The following NBPF11 variants were observed in gnomAD, a reference collection of about 807,000 sequenced individuals.
NBPF11 encodes the protein NBPF family member NBPF11.
A neutral mutation model predicts 93.9 loss-of-function variants in NBPF11; 72 were observed. That is an observed-to-expected ratio of 0.77 (90% CI 0.63 to 0.93). The LOEUF (loss-of-function observed/expected upper bound fraction) is 0.93. Among genes scored for constraint, NBPF11 ranks in the 40% least tolerant of loss-of-function variants. NBPF11 has a pLI of 0.00. For synonymous variants in NBPF11, 224 were observed against 304.9 expected, an observed-to-expected ratio of 0.73 and a Z score of 2.76; for missense variants, 705 against 802.2, an observed-to-expected ratio of 0.88 and a Z score of 1.46.
intron 1 of NBPF11, among the ~76,000 whole-genome samples, chr1:148,150,842 C>G (rs1489571668): frequency 3.3e-5 from 5 of 151,556 alleles, no homozygotes; most frequent in Non-Finnish European, 7.4e-5. Context: ...AGTCTCCTGC[C>G]TCAGCCTCCC....
chr1:148,119,425 GTAT>G (rs1667308674), intron 10 of NBPF11, among the ~76,000 whole-genome samples: 1 of 152,104 alleles, frequency 6.6e-6, no homozygotes, highest in South Asian at 2.1e-4. Context: ...ACAGAGGTAG[GTAT>G]TATTGTAGTA....
chr1:148,105,721 G>GACAGACACACAC (rs1663396871), intron 21 of NBPF11, among the ~76,000 whole-genome samples, 193 bp from the exon 22 acceptor site: 2 of 95,976 alleles, frequency 2.1e-5, no homozygotes. Context: ...GAGAAAGACA[G>GACAGACACACAC]ACACACACAC....
In NBPF11 at chr1:148,118,766, T is replaced by C. The variant is rs1192424216; in HGVS notation, c.989-44A>G. 7.6e-5 allele frequency: 118 copies of C among 1,550,916 alleles called. No homozygotes were observed. In the South Asian group the frequency reaches 8.7e-4, roughly 11 times the overall value. The stretch of plus-strand genomic sequence containing the variant: ...GCCTGCATCAGTGGAAGGCTGGACA[T>C]GCTGCTGTGGTCATTGCCTACAGGG... On this transcript the variant is annotated intron_variant, in intron 10 of 23. Transcript: ENST00000682118.
intron 10 of NBPF11, among the ~76,000 whole-genome samples, chr1:148,120,067 A>T (rs1255428412): frequency 6.6e-6 from 1 of 151,400 alleles, no homozygotes. Flanking sequence ...AGTTTCCCTC[A>T]GAGTCACTAG....
At chr1:148,149,124 T>C in intron 1 of NBPF11, 2 of 1,574,036 alleles carry the variant, frequency 1.3e-6, no homozygotes, top group Non-Finnish European at 1.7e-6. Context: ...TGCGCGCGCG[T>C]TGGAGGCCGC....
chr1:148,135,316 A>ATCT (rs1476073377), intron 4 of NBPF11: 4 of 193,562 alleles, frequency 2.1e-5, no homozygotes, highest in Non-Finnish European at 4.0e-5. Context: ...TTCTATGACC[A>ATCT]TCTGTTTCAT....
chr1:148,110,322 G>A lies in NBPF11; in HGVS notation c.1801+56C>T, dbSNP rs1664945887. The stretch of plus-strand genomic sequence containing the variant: ...CAGGGGCACAAGGCCCAAAGATTAT[G>A]GGGTCTACCTGGGCCATGAACTGGA... On this transcript the variant is annotated intron_variant, in intron 16 of 23. Transcript: ENST00000682118. 3 of 1,560,948 alleles carry A rather than the reference G, an allele frequency of 1.9e-6. No homozygotes were observed. In the African/African-American group the frequency reaches 4.2e-5, roughly 22 times the overall value.
chr1:148,146,210 C>T (rs1233300058), intron 1 of NBPF11, among the ~76,000 whole-genome samples: 4 of 151,590 alleles, frequency 2.6e-5, no homozygotes, highest in Non-Finnish European at 5.9e-5. Context: ...CCCTGGGGCT[C>T]GGCTTGGACC....
At chr1:148,111,456 GA>G (rs1476853906) in intron 15 of NBPF11, among the ~76,000 whole-genome samples, 1 of 151,966 alleles carries the variant, frequency 6.6e-6, no homozygotes, top group African/African-American at 2.4e-5. Context: ...AAACTTCTCT[GA>G]GCTAAAGGAG....
intron 5 of NBPF11, 84 bp downstream of exon 5, chr1:148,126,745 G>C: frequency 8.1e-7 from 1 of 1,228,302 alleles, no homozygotes; most frequent in Non-Finnish European, 1.2e-6. Context: ...TAGAAGTACA[G>C]GAAGGATGAA....
intron 6 of NBPF11, 147 bp from the exon 7 acceptor site, chr1:148,124,214 GAGAA>G: frequency 1.5e-6 from 1 of 651,450 alleles, no homozygotes; most frequent in Non-Finnish European, 2.8e-6. Context: ...CTGTGGCCAA[GAGAA>G]AGAACAGAAA....
At position 148,103,306 on chromosome 1, in the gene NBPF11, A is replaced by C; in HGVS notation, c.*590T>G. 2.8e-6 allele frequency: 1 copy of C among 352,896 alleles called. No individual in the cohort carries two copies. The highest frequency in any genetic ancestry group is 5.4e-6 in the Non-Finnish European group (1 of 185,262). 21.9% of individuals were successfully genotyped at this position (352,896 alleles called of 1,614,324 possible). A position where few individuals can be genotyped will look rare whatever the true frequency, so the allele number is the denominator to read the frequency against. ...GAAACCAGGGTAACACCTTTGGATGAGCTAAACACAAAGATGACACTGACC... is the reference window on the plus strand; with the variant it reads ...GAAACCAGGGTAACACCTTTGGATGCGCTAAACACAAAGATGACACTGACC... On this transcript the variant is annotated 3_prime_UTR_variant, in exon 24 of 24. Transcript: ENST00000682118.
At chr1:148,124,747 T>C (rs1157758653) in intron 6 of NBPF11, among the ~76,000 whole-genome samples, 152 bp downstream of exon 6, 13 of 152,112 alleles carry the variant, frequency 8.5e-5, no homozygotes, top group Non-Finnish European at 4.4e-5. Flanking sequence ...ATTATCCTTG[T>C]TCTCTGATAA....
At position 148,118,629 on chromosome 1, in the gene NBPF11, T is replaced by C; in HGVS notation, c.1082A>G (p.Glu361Gly). ...CATGGGGTCCCCTCACCTGAGCTCC[T>C]CAGCTTGCTTCAGCTGCTCTGCAAG... The part of the protein sequence containing the change: ...EKLAEQLKQA[E>G]ELRQYKVLVH... The change falls in exon 11 of 24, where the codon GAG becomes GGG. Residue 361 changes from glutamate to glycine, a missense_variant. Coordinates refer to ENST00000682118, the MANE Select transcript of NBPF11 (RefSeq NM_001385469.3). 2 of 1,612,454 alleles carry C rather than the reference T, an allele frequency of 1.2e-6. No individual in the cohort carries two copies. The highest frequency in any genetic ancestry group is 1.7e-6 in the Non-Finnish European group (2 of 1,179,660).
At position 148,106,229 on chromosome 1, in the gene NBPF11, A is replaced by T. The variant is rs1372666776; in HGVS notation, c.2255T>A (p.Ile752Asn). Reference sequence around the variant, plus strand: ...TTCTTCCTCTTCTTGGTCCTTTTTAATTCCTGCAATACATTCAGACAGGGA... The same window carrying T: ...TTCTTCCTCTTCTTGGTCCTTTTTATTTCCTGCAATACATTCAGACAGGGA... The part of the protein sequence containing the change: ...YLGLALDVDR[I>N]KKDQEEEEDQ... Residue 752 changes from isoleucine to asparagine, a missense_variant, in exon 21 of 24, where the codon ATT becomes AAT. By Grantham distance (149) the Ile-to-Asn change is moderately radical. Coordinates refer to ENST00000682118, the MANE Select transcript of NBPF11 (RefSeq NM_001385469.3). The T allele has an allele frequency of 2.5e-6, 2 of 800,542 alleles. No homozygotes were observed. The highest frequency in any genetic ancestry group is 3.4e-5 in the African/African-American group (2 of 58,214). The allele number at this position is 800,542 out of a possible 1,614,324, so 49.6% of individuals were successfully genotyped here. A position where few individuals can be genotyped will look rare whatever the true frequency, so the allele number is the denominator to read the frequency against.
In NBPF11 at chr1:148,108,374, C is replaced by T. The variant is rs371557131; in HGVS notation, c.2026+108G>A. ...AACCTACATGTGCCTATAGGTCCTCCCTGTGGCAATGACATCTCTCAGCTC... is the reference window on the plus strand; with the variant it reads ...AACCTACATGTGCCTATAGGTCCTCTCTGTGGCAATGACATCTCTCAGCTC... On this transcript the variant is annotated intron_variant, in intron 18 of 23. Coordinates refer to ENST00000682118, the MANE Select transcript of NBPF11 (RefSeq NM_001385469.3). 4.2e-3 allele frequency: 3,212 copies of T among 764,374 alleles called. 77 individuals carry two copies. The South Asian group carries it at 0.044, about 10-fold the overall frequency. The allele number at this position is 764,374 out of a possible 1,614,324, so 47.3% of individuals were successfully genotyped here.
intron 7 of NBPF11, among the ~76,000 whole-genome samples, chr1:148,123,379 C>A (rs1290301342): frequency 1.3e-5 from 2 of 152,200 alleles, no homozygotes; most frequent in Non-Finnish European, 2.9e-5. Context: ...GAAAAGCATT[C>A]GTAAGTGTTC....
chr1:148,132,232 C>T lies in NBPF11; in HGVS notation c.-36+3440G>A, dbSNP rs1285651134. ...ATATATATACACACACACACACACACACATGTTTGTGTGTGTGTGTGTGGG... is the reference window on the plus strand; with the variant it reads ...ATATATATACACACACACACACACATACATGTTTGTGTGTGTGTGTGTGGG... On this transcript the variant is annotated intron_variant, in intron 4 of 23. Transcript: ENST00000682118. 6.8e-3 allele frequency among the ~76,000 whole-genome samples: 760 copies of T among 111,856 alleles called. 16 individuals carry two copies. Among genetic ancestry groups the T allele is most frequent in the African/African-American group, 0.019 (607 of 32,334 alleles). 73.4% of individuals were successfully genotyped at this position (111,856 alleles called of 152,430 possible).
intron 1 of NBPF11, among the ~76,000 whole-genome samples, chr1:148,144,485 G>A (rs1571495795): frequency 2.0e-5 from 3 of 151,800 alleles, no homozygotes; most frequent in African/African-American, 7.3e-5. Context: ...TCTGTTTCAT[G>A]CCAGGCGAGG....
Sources: allele counts gnomAD v4.1 joint callset (sites outside exome capture counted in the v4.1 genomes callset), GRCh38; gene constraint gnomAD v4.1.1; transcripts MANE v1.5; gene names NCBI Gene and HGNC (gene_info 2026-07-23, HGNC 2026-07-21).